ACTR3C: variants seen among roughly 807,000 people sequenced by gnomAD.
ACTR3C encodes the protein actin-related protein 3C.
ACTR3C carries 18 observed loss-of-function variants against 26.3 expected under a neutral mutation model. The ratio of observed to expected loss-of-function variants is 0.68; its 90% CI spans 0.47 to 1.01. The LOEUF (loss-of-function observed/expected upper bound fraction) is 1.01, where lower values mean the gene tolerates loss of function less well. Among genes scored for constraint, ACTR3C ranks in the 50% least tolerant of loss-of-function variants. The pLI is 0.00. For synonymous variants in ACTR3C, 55 were observed against 94.5 expected (o/e 0.58, Z 2.42); for missense variants, 184 against 250.7 (o/e 0.73, Z 1.80).
intron 1 of ACTR3C, among the ~76,000 whole-genome samples, chr7:150,309,449 G>A (rs570148439): frequency 1.3e-5 from 2 of 152,264 alleles, no homozygotes; most frequent in South Asian, 2.1e-4. Context: ...AATCAACCTC[G>A]CCTTCAAGGT....
the ACTR3C span, among the ~76,000 whole-genome samples, chr7:150,035,233 CCTAAGAG>C: frequency 9.9e-6 from 1 of 100,614 alleles, no homozygotes; most frequent in African/African-American, 4.1e-5. Context: ...CCATGGGGGT[CCTAAGAG>C]CCAGTGGGGG....
At chr7:149,922,260 C>T in the ACTR3C span, among the ~76,000 whole-genome samples, 1 of 136,804 alleles carries the variant, frequency 7.3e-6, no homozygotes, top group Admixed American at 8.0e-5. Flanking sequence ...GGAGGACAGG[C>T]GGGTTTAAGG....
chr7:150,142,356 G>A, the ACTR3C span, among the ~76,000 whole-genome samples: 6 of 152,120 alleles, frequency 3.9e-5, no homozygotes, highest in African/African-American at 1.2e-4. Flanking sequence ...TCGGGTGGAG[G>A]GAATGAGGCA....
chr7:150,134,350 G>C, the ACTR3C span, among the ~76,000 whole-genome samples: 1 of 152,154 alleles, frequency 6.6e-6, no homozygotes, highest in Non-Finnish European at 1.5e-5. Context: ...GGGCTGGGGA[G>C]ACAGCAGAGG....
intron 6 of ACTR3C, among the ~76,000 whole-genome samples, chr7:150,282,392 C>CT (rs1439365800): frequency 6.6e-6 from 1 of 152,026 alleles, no homozygotes; most frequent in Admixed American, 6.5e-5. Flanking sequence ...CTGGTCTACT[C>CT]TAACTTAGGT....
At chr7:150,217,231 C>G in the ACTR3C span, among the ~76,000 whole-genome samples, 4 of 150,722 alleles carry the variant, frequency 2.7e-5, no homozygotes, top group Non-Finnish European at 5.9e-5. Flanking sequence ...GCAACTTATC[C>G]AAAATGACAC....
chr7:150,298,249 G>A (rs1795112934), intron 1 of ACTR3C, among the ~76,000 whole-genome samples: 2 of 150,010 alleles, frequency 1.3e-5, no homozygotes, highest in Non-Finnish European at 2.9e-5. Context: ...GCAAACATGA[G>A]TCCTTTTAAT....
At chr7:150,036,981 G>C in the ACTR3C span, among the ~76,000 whole-genome samples, 15 of 53,408 alleles carry the variant, frequency 2.8e-4, 2 homozygotes, top group African/African-American at 8.6e-4. Context: ...TCCCTGCCTC[G>C]CGGGGGGTGC....
At chr7:149,950,016 C>T in the ACTR3C span, among the ~76,000 whole-genome samples, 2 of 147,428 alleles carry the variant, frequency 1.4e-5, no homozygotes, top group Non-Finnish European at 3.0e-5. Flanking sequence ...CCCACGGGAG[C>T]AGGGAGGAAG....
the ACTR3C span, among the ~76,000 whole-genome samples, chr7:150,112,654 A>AG: frequency 6.6e-6 from 1 of 152,184 alleles, no homozygotes; most frequent in Non-Finnish European, 1.5e-5. Flanking sequence ...TCCTCCATCA[A>AG]GGGAAAAAAA....
At chr7:150,120,239 C>A in the ACTR3C span, among the ~76,000 whole-genome samples, 3 of 152,050 alleles carry the variant, frequency 2.0e-5, no homozygotes, top group Non-Finnish European at 4.4e-5. Flanking sequence ...AAGATCAGAG[C>A]AGAACTGAAG....
chr7:149,991,014 C>A, the ACTR3C span, among the ~76,000 whole-genome samples: 1 of 152,096 alleles, frequency 6.6e-6, no homozygotes, highest in Non-Finnish European at 1.5e-5. Context: ...TAAAGACATA[C>A]CCAAGACTGG....
chr7:149,951,702 C>T, the ACTR3C span, among the ~76,000 whole-genome samples: 2 of 151,854 alleles, frequency 1.3e-5, no homozygotes, highest in African/African-American at 4.9e-5. Context: ...AATAGGCCCA[C>T]CCAGATTATC....
intron 6 of ACTR3C, among the ~76,000 whole-genome samples, chr7:150,276,139 T>C (rs138064768): frequency 6.6e-6 from 1 of 152,164 alleles, no homozygotes; most frequent in Non-Finnish European, 1.5e-5. Context: ...CCCATTCATC[T>C]CCTGAAATTT....
At chr7:150,025,399 T>C in the ACTR3C span, among the ~76,000 whole-genome samples, 1 of 152,110 alleles carries the variant, frequency 6.6e-6, no homozygotes, top group East Asian at 1.9e-4. Flanking sequence ...ATTTGTTTGC[T>C]TAAAACTGTT....
At chr7:150,216,817 C>G in the ACTR3C span, among the ~76,000 whole-genome samples, 2 of 151,012 alleles carry the variant, frequency 1.3e-5, no homozygotes, top group Admixed American at 6.6e-5. Flanking sequence ...CAAACCCCAT[C>G]TCTACTAAAA....
the ACTR3C span, among the ~76,000 whole-genome samples, chr7:150,067,711 GGT>G: frequency 9.4e-6 from 1 of 106,732 alleles, no homozygotes; most frequent in East Asian, 2.7e-4. Flanking sequence ...GGCAGCCACA[GGT>G]GTATAAAGCC....
chr7:150,315,371 G>A (rs188406949), intron 1 of ACTR3C, among the ~76,000 whole-genome samples: 71 of 152,140 alleles, frequency 4.7e-4, no homozygotes, highest in Admixed American at 2.4e-3. Context: ...CCTGGAAGAG[G>A]ATATGCAGCC....
chr7:150,216,490 A>G, the ACTR3C span, among the ~76,000 whole-genome samples: 8 of 152,278 alleles, frequency 5.3e-5, no homozygotes, highest in Middle Eastern at 3.4e-3. Flanking sequence ...TCCAACTTCA[A>G]TGATCTTCTC....
Sources: allele counts gnomAD v4.1 joint callset (sites outside exome capture counted in the v4.1 genomes callset), GRCh38; gene constraint gnomAD v4.1.1; transcripts MANE v1.5; gene names NCBI Gene and HGNC (gene_info 2026-07-23, HGNC 2026-07-21).